CYB561A3: variants seen among roughly 807,000 people sequenced by gnomAD.
The protein encoded by CYB561A3 is lysosomal membrane ascorbate-dependent ferrireductase CYB561A3.
In CYB561A3, 16 loss-of-function variants were observed where a neutral mutation model predicts 25.3. The ratio of observed to expected loss-of-function variants is 0.63; its 90% confidence interval spans 0.43 to 0.96. CYB561A3 has a LOEUF of 0.96. Ranked by LOEUF, CYB561A3 falls within the 40% of genes least tolerant of loss-of-function variation. The pLI is 0.00. For missense variants in CYB561A3, 219 were observed against 307.5 expected (o/e 0.71, Z 2.15); for synonymous variants, 131 against 129.9 (o/e 1.01, Z -0.06).
intron 3 of CYB561A3, among the ~76,000 whole-genome samples, chr11:61,356,260 TTC>T (rs1304341743): frequency 6.6e-6 from 1 of 152,182 alleles, no homozygotes; most frequent in Non-Finnish European, 1.5e-5. Flanking sequence ...GCAACACAGA[TTC>T]TGTCTTGCAA....
chr11:61,357,128 A>G, intron 2 of CYB561A3: 1 of 1,520,884 alleles, frequency 6.6e-7, no homozygotes, highest in Non-Finnish European at 8.9e-7. Context: ...TAAATTACGC[A>G]AACACCCAGG....
intron 2 of CYB561A3, chr11:61,357,338 G>T: frequency 9.6e-7 from 1 of 1,045,846 alleles, no homozygotes; most frequent in Non-Finnish European, 1.4e-6. Flanking sequence ...CCCCTCAGCT[G>T]TCTCCAGCCC....
chr11:61,354,647 A>C (rs1328942468), intron 3 of CYB561A3: 2 of 152,168 alleles, frequency 1.3e-5, no homozygotes, highest in Non-Finnish European at 2.9e-5. Flanking sequence ...CCTAAAAAAA[A>C]AGTGGAGGGG....
At chr11:61,354,938 A>G (rs1438843350) in intron 3 of CYB561A3, among the ~76,000 whole-genome samples, 1 of 143,892 alleles carries the variant, frequency 6.9e-6, no homozygotes, top group African/African-American at 2.6e-5. Flanking sequence ...GCGCAATCTC[A>G]GCTCACTGCA....
intron 3 of CYB561A3, chr11:61,354,330 C>T (rs1857554521): frequency 6.5e-6 from 2 of 307,746 alleles, no homozygotes; most frequent in Admixed American, 9.2e-5. Flanking sequence ...GCAATCTAGC[C>T]TGGGCCACAG....
rs760598758 is a variant in CYB561A3 at position 61,353,765 on chromosome 11, G to A, written c.393+19C>T. ...TCATGGCTCTGGGAACCTCGAGGAG[G>A]AGAACAGAGAGAACCCACCTGGCAG... On this transcript the variant is annotated intron_variant, in intron 4 of 6. Transcript: ENST00000294072. The A allele has an allele frequency of 6.2e-7, 1 of 1,613,932 alleles. No individual in the cohort carries two copies. The highest frequency in any genetic ancestry group is 1.7e-5 in the Admixed American group (1 of 60,014).
chr11:61,354,900 G>A lies in CYB561A3; in HGVS notation c.185-908C>T, dbSNP rs376814706. Among the ~76,000 whole-genome samples, 543 of 135,552 alleles carry A rather than the reference G, an allele frequency of 4.0e-3. 2 individuals carry two copies. Among genetic ancestry groups the A allele is most frequent in the African/African-American group, 0.015 (517 of 35,574 alleles). The allele number at this position is 135,552 out of a possible 152,430, so 88.9% of individuals were successfully genotyped here. Reference sequence around the variant, plus strand: ...TTTTTTTTTTTTGAGACAGAGTCTCGTTCTATCATCCAGGCTGGAGTGCAG... The same window carrying A: ...TTTTTTTTTTTTGAGACAGAGTCTCATTCTATCATCCAGGCTGGAGTGCAG... On this transcript the variant is annotated intron_variant, in intron 3 of 6. Transcript: ENST00000294072.
In CYB561A3 at chr11:61,356,732, G is replaced by C. The variant is rs1413120414; in HGVS notation, c.-15-4C>G. On this transcript the variant is annotated splice_polypyrimidine_tract_variant and splice_region_variant and intron_variant, in intron 2 of 6. Transcript: ENST00000294072. The stretch of plus-strand genomic sequence containing the variant: ...ACACCATTCTGATCACGCACTCCTA[G>C]AAGAAGGAGAAGTCACAAATCTCCA... 1.9e-6 allele frequency: 3 copies of C among 1,611,906 alleles called. No homozygotes were observed. The Admixed American group carries it at 5.0e-5, about 27-fold the overall frequency.
At chr11:61,357,148 CTAAGA>C (rs1402149299) in intron 2 of CYB561A3, 7 of 1,545,674 alleles carry the variant, frequency 4.5e-6, no homozygotes, top group African/African-American at 2.7e-5. Flanking sequence ...GCCTTGGGTT[CTAAGA>C]TAAGAAGGCA....
rs1857281823 is a variant in CYB561A3 at position 61,349,194 on chromosome 11, TC to T, written c.*1204del. 4.0e-6 allele frequency: 1 copy of T among 247,224 alleles called. No homozygotes were observed. 15.3% of individuals were successfully genotyped at this position (247,224 alleles called of 1,614,324 possible). On this transcript the variant is annotated 3_prime_UTR_variant, in exon 7 of 7. Transcript: ENST00000294072. ...CCTTCCCGCTCTCCACCCTATTTCCTCCCCTGAAGAAGAGCAACAGCTCAAG... is the reference window on the plus strand; with the variant it reads ...CCTTCCCGCTCTCCACCCTATTTCCTCCCTGAAGAAGAGCAACAGCTCAAG...
At chr11:61,351,281 T>A in intron 5 of CYB561A3, 134 bp from the exon 6 acceptor site, 1 of 791,742 alleles carries the variant, frequency 1.3e-6, no homozygotes, top group Non-Finnish European at 1.8e-6. Context: ...TTTAACACCC[T>A]TTCTTTTTTT....
rs1857534369 is a variant in CYB561A3 at position 61,353,849 on chromosome 11, T to C, written c.328A>G (p.Thr110Ala). The change falls in exon 4 of 7, where the codon ACT (threonine) becomes GCT (alanine). Residue 110 changes from threonine to alanine, a missense_variant. Coordinates refer to ENST00000294072, the MANE Select transcript of CYB561A3 (RefSeq NM_153611.6). ...AVFTFHNHGRTANLYSLHSWL... is the reference protein window; with the variant it reads ...AVFTFHNHGRAANLYSLHSWL... ...CTGTGAAGGGAGTAGAGGTTGGCAG[T>C]CCTTCCATGGTTGTGAAACGTAAAG... 1.1e-5 allele frequency: 17 copies of C among 1,614,168 alleles called. No individual in the cohort carries two copies. Among genetic ancestry groups the C allele is most frequent in the Non-Finnish European group, 1.4e-5 (17 of 1,180,042 alleles).
intron 4 of CYB561A3, chr11:61,353,363 A>C (rs1857507481): frequency 4.7e-6 from 3 of 631,856 alleles, no homozygotes; most frequent in Non-Finnish European, 8.1e-6. Flanking sequence ...ACTCCCAGCA[A>C]ACCCAACCAC....
Position 61,353,880 on chromosome 11 carries a change from A to G in CYB561A3, c.297T>C (p.Val99=). The G allele has an allele frequency of 6.2e-7, 1 of 1,614,194 alleles. No individual in the cohort carries two copies. Among genetic ancestry groups the G allele is most frequent in the East Asian group, 2.2e-5 (1 of 44,880 alleles). ...MAFVLTVVGL[V]AVFTFHNHGR... ...CATGGTTGTGAAACGTAAAGACAGCAACCAGCCCCACAACAGTGAGGACGA... is the reference window on the plus strand; with the variant it reads ...CATGGTTGTGAAACGTAAAGACAGCGACCAGCCCCACAACAGTGAGGACGA... Residue 99 remains valine (V), a synonymous_variant, in exon 4 of 7, where the codon GTT becomes GTC. Coordinates refer to ENST00000294072, the MANE Select transcript of CYB561A3 (RefSeq NM_153611.6).
intron 1 of CYB561A3, chr11:61,359,611 G>A (rs923424059): frequency 1.3e-5 from 2 of 152,188 alleles, no homozygotes; most frequent in Non-Finnish European, 2.9e-5. Context: ...GACAGACTTA[G>A]AATAGACCCT....
intron 2 of CYB561A3, 191 bp from the exon 3 acceptor site, chr11:61,356,919 T>C (rs1163416240): frequency 1.4e-6 from 2 of 1,443,808 alleles, no homozygotes; most frequent in Non-Finnish European, 9.0e-7. Flanking sequence ...TCAGTCACAA[T>C]GACTGAGGCC....
chr11:61,357,359 G>C (rs540108215), intron 2 of CYB561A3: 289 of 769,964 alleles, frequency 3.8e-4, no homozygotes, highest in Admixed American at 6.7e-4. Flanking sequence ...TGAGACTTCT[G>C]CTTTCTCTTC....
chr11:61,354,392 C>A, intron 3 of CYB561A3: 1 of 203,314 alleles, frequency 4.9e-6, no homozygotes. Context: ...GAGGGCTGGG[C>A]ACGGTGACTC....
chr11:61,356,458 C>T, intron 3 of CYB561A3, 72 bp downstream of exon 3: 1 of 1,520,472 alleles, frequency 6.6e-7, no homozygotes, highest in Non-Finnish European at 8.9e-7. Flanking sequence ...CAAAGGCCAG[C>T]CTTGGAGAGG....
Sources: gnomAD v4.1 joint callset for allele counts (sites outside exome capture counted in the v4.1 genomes callset) on GRCh38, gnomAD v4.1.1 for gene constraint, MANE v1.5 for transcripts, NCBI Gene and HGNC (gene_info 2026-07-23, HGNC 2026-07-21) for gene names.